OR6N1: variants seen among roughly 807,000 people sequenced by gnomAD.
OR6N1 encodes olfactory receptor family 6 subfamily N member 1.
For missense variants in OR6N1, 394 were observed against 371.7 expected (o/e 1.06, Z -0.49); for synonymous variants, 170 against 150.7 (o/e 1.13, Z -0.94).
chr1:158,823,705 T>C, the OR6N1 span, among the ~76,000 whole-genome samples: 1 of 152,138 alleles, frequency 6.6e-6, no homozygotes, highest in Non-Finnish European at 1.5e-5. Flanking sequence ...TGTGTATCAG[T>C]TTCCTTTAAT....
chr1:158,805,273 A>T, the OR6N1 span, among the ~76,000 whole-genome samples: 1 of 152,208 alleles, frequency 6.6e-6, no homozygotes, highest in Non-Finnish European at 1.5e-5. Context: ...TTCAGACGTG[A>T]CTGCTTCTTA....
At chr1:158,832,158 A>AT in the OR6N1 span, among the ~76,000 whole-genome samples, 89 of 152,208 alleles carry the variant, frequency 5.8e-4, no homozygotes, top group African/African-American at 2.0e-3. Flanking sequence ...CATAGATAAC[A>AT]TTTTTTGTGG....
the OR6N1 span, among the ~76,000 whole-genome samples, chr1:158,832,391 A>G: frequency 2.6e-5 from 4 of 151,862 alleles, no homozygotes; most frequent in African/African-American, 7.2e-5. Context: ...AATCTAAGCT[A>G]TTTTTTACCT....
At chr1:158,811,848 A>G in the OR6N1 span, among the ~76,000 whole-genome samples, 1 of 152,226 alleles carries the variant, frequency 6.6e-6, no homozygotes, top group Non-Finnish European at 1.5e-5. Flanking sequence ...TTATTTAAAC[A>G]GCAGGAAAAG....
At chr1:158,835,039 G>A in the OR6N1 span, among the ~76,000 whole-genome samples, 1 of 152,086 alleles carries the variant, frequency 6.6e-6, no homozygotes, top group Non-Finnish European at 1.5e-5. Flanking sequence ...AGTTTTGAAA[G>A]CAGGAAGTCT....
At chr1:158,807,533 G>A in the OR6N1 span, among the ~76,000 whole-genome samples, 10 of 152,314 alleles carry the variant, frequency 6.6e-5, no homozygotes, top group Admixed American at 5.9e-4. Flanking sequence ...GAAAAGAAGC[G>A]TGATCAGAAC....
chr1:158,807,901 C>A, the OR6N1 span, among the ~76,000 whole-genome samples: 1 of 152,192 alleles, frequency 6.6e-6, no homozygotes, highest in Non-Finnish European at 1.5e-5. Context: ...ACCATAACCC[C>A]TTTCTCTTTA....
At chr1:158,790,239 C>A in the OR6N1 span, among the ~76,000 whole-genome samples, 1 of 151,958 alleles carries the variant, frequency 6.6e-6, no homozygotes, top group Non-Finnish European at 1.5e-5. Flanking sequence ...GCTTGCTATA[C>A]TTTTGTAGTA....
In OR6N1 at chr1:158,766,522, C is replaced by A. The variant is rs572416173; in HGVS notation, c.161G>T (p.Arg54Leu). The A allele has an allele frequency of 1.2e-6, 2 of 1,613,804 alleles. No individual in the cohort carries two copies. Among genetic ancestry groups the A allele is most frequent in the Non-Finnish European group, 1.7e-6 (2 of 1,179,922 alleles). The change falls in exon 2 of 2, where the codon CGG becomes CTG. Residue 54 changes from arginine to leucine, a missense_variant. Arg to Leu is a moderately radical substitution (Grantham distance 102, BLOSUM62 -2). Coordinates refer to ENST00000641846, the MANE Select transcript of OR6N1 (RefSeq NM_001005185.2). ...AAAGTGGTACATGGGTGTGTGAAGCCGGGAGTCCAGGCAGACCACCAGGAA... is the reference window on the plus strand; with the variant it reads ...AAAGTGGTACATGGGTGTGTGAAGCAGGGAGTCCAGGCAGACCACCAGGAA... ...LIFLVVCLDS[R>L]LHTPMYHFVS...
the OR6N1 span, among the ~76,000 whole-genome samples, chr1:158,787,071 G>A: frequency 6.6e-6 from 1 of 152,122 alleles, no homozygotes; most frequent in Non-Finnish European, 1.5e-5. Context: ...AGGCCTGGGA[G>A]AGGTGTTTGA....
In OR6N1 at chr1:158,765,459, A is replaced by ACTT. The variant is rs1387024302; in HGVS notation, c.*284_*285insAAG. On this transcript the variant is annotated 3_prime_UTR_variant, in exon 2 of 2. Coordinates refer to ENST00000641846, the MANE Select transcript of OR6N1 (RefSeq NM_001005185.2). ...GTATAATAGGTAAGACACAGATTTT[A>ACTT]AAAAAAACCTAAGTGTGATACATAA... is the stretch of plus-strand genomic sequence containing the variant. 85 of 281,654 alleles carry ACTT rather than the reference A, an allele frequency of 3.0e-4. No homozygotes were observed. The highest frequency in any genetic ancestry group is 3.9e-4 in the Non-Finnish European group (58 of 149,800). 17.4% of individuals were successfully genotyped at this position (281,654 alleles called of 1,614,324 possible). A position where few individuals can be genotyped will look rare whatever the true frequency, so the allele number is the denominator to read the frequency against.
chr1:158,780,017 G>T, the OR6N1 span, among the ~76,000 whole-genome samples: 3,444 of 152,162 alleles, frequency 0.023, 133 homozygotes, highest in African/African-American at 0.079. Flanking sequence ...TTTTATTTTA[G>T]CCTAAATTTA....
At chr1:158,807,630 T>C in the OR6N1 span, among the ~76,000 whole-genome samples, 1 of 152,248 alleles carries the variant, frequency 6.6e-6, no homozygotes, top group African/African-American at 2.4e-5. Context: ...ATTCTGCTCA[T>C]GGTGCGCTGA....
the OR6N1 span, among the ~76,000 whole-genome samples, chr1:158,791,693 C>T: frequency 1.3e-5 from 2 of 152,138 alleles, no homozygotes; most frequent in Non-Finnish European, 2.9e-5. Flanking sequence ...TGGTCTCGAT[C>T]TCCTGACCTC....
chr1:158,778,971 A>G, the OR6N1 span, among the ~76,000 whole-genome samples: 1 of 142,454 alleles, frequency 7.0e-6, no homozygotes, highest in South Asian at 2.2e-4. Context: ...GTGAGCCGAG[A>G]TCGCGCCACT....
In OR6N1 at chr1:158,772,051, A is replaced by G. The variant is rs1233397941; in HGVS notation, c.-49T>C. ...GATTGTTGGTGGGGAGTGCTCTGCT[A>G]GAGCTTGACTCTGGAAGCCCAGCCA... On this transcript the variant is annotated 5_prime_UTR_variant, in exon 1 of 2. Coordinates refer to ENST00000641846, the MANE Select transcript of OR6N1 (RefSeq NM_001005185.2). 1 of 152,252 alleles carries G rather than the reference A, an allele frequency of 6.6e-6. No individual in the cohort carries two copies. Among genetic ancestry groups the G allele is most frequent in the Non-Finnish European group, 1.5e-5 (1 of 68,074 alleles). 9.4% of individuals were successfully genotyped at this position (152,252 alleles called of 1,614,324 possible). A position where few individuals can be genotyped will look rare whatever the true frequency, so the allele number is the denominator to read the frequency against.
the OR6N1 span, among the ~76,000 whole-genome samples, chr1:158,787,635 T>TCA: frequency 0.045 from 6,068 of 134,236 alleles, 139 homozygotes; most frequent in Middle Eastern, 0.099. Flanking sequence ...TCTCTCTCTC[T>TCA]CACACACACA....
At chr1:158,793,480 T>G in the OR6N1 span, among the ~76,000 whole-genome samples, 1 of 152,206 alleles carries the variant, frequency 6.6e-6, no homozygotes, top group African/African-American at 2.4e-5. Flanking sequence ...GGATGTGACT[T>G]CAATGTTTAT....
At chr1:158,796,616 C>A in the OR6N1 span, among the ~76,000 whole-genome samples, 1 of 152,066 alleles carries the variant, frequency 6.6e-6, no homozygotes, top group Non-Finnish European at 1.5e-5. Context: ...TGATACATTT[C>A]TAAATTGCTT....
Sources: gnomAD v4.1 joint callset for allele counts (sites outside exome capture counted in the v4.1 genomes callset) on GRCh38, gnomAD v4.1.1 for gene constraint, MANE v1.5 for transcripts, NCBI Gene and HGNC (gene_info 2026-07-23, HGNC 2026-07-21) for gene names.